Variants in HS3ST4 observed in about 807,000 individuals in gnomAD.
HS3ST4 encodes heparan sulfate-glucosamine 3-sulfotransferase 4.
Under a neutral mutation model 29.2 loss-of-function variants are expected in HS3ST4, and 17 were observed. The observed-to-expected ratio is 0.58, with a 90% confidence interval of 0.40 to 0.87. The LOEUF (loss-of-function observed/expected upper bound fraction) is 0.87. Ranked by LOEUF, HS3ST4 falls within the 40% of genes least tolerant of loss-of-function variation. The pLI is 0.00. For synonymous variants in HS3ST4, 314 were observed against 285.7 expected (o/e 1.10, Z -1.00); for missense variants, 627 against 634.5 (o/e 0.99, Z 0.13).
intron 1 of HS3ST4, among the ~76,000 whole-genome samples, chr16:25,761,533 C>A (rs1188124023): frequency 6.6e-6 from 1 of 152,202 alleles, no homozygotes; most frequent in African/African-American, 2.4e-5. Context: ...TTGGCATCTC[C>A]ATCAGCCAGG....
intron 1 of HS3ST4, among the ~76,000 whole-genome samples, chr16:26,071,772 A>G (rs1236966642): frequency 6.6e-6 from 1 of 151,964 alleles, no homozygotes; most frequent in Non-Finnish European, 1.5e-5. Context: ...GGGAGCGCTC[A>G]CTCTCAGGAT....
chr16:25,828,755 T>C (rs1002526797), intron 1 of HS3ST4, among the ~76,000 whole-genome samples: 6 of 152,202 alleles, frequency 3.9e-5, no homozygotes, highest in African/African-American at 1.4e-4. Context: ...AGTGAGAACA[T>C]GTGCTATTTG....
chr16:26,059,859 C>T (rs947976022), intron 1 of HS3ST4, among the ~76,000 whole-genome samples: 2 of 152,086 alleles, frequency 1.3e-5, no homozygotes, highest in African/African-American at 2.4e-5. Flanking sequence ...CTCGCTGCAA[C>T]CTCCGCCTCC....
intron 1 of HS3ST4, among the ~76,000 whole-genome samples, chr16:25,831,652 C>T (rs1422003467): frequency 6.6e-6 from 1 of 151,812 alleles, no homozygotes; most frequent in Non-Finnish European, 1.5e-5. Context: ...CTATATTCAC[C>T]TCCTATAAAT....
rs9923540 is a variant in HS3ST4, at chr16:25,814,761, A to G, written c.734+121610A>G. ...TCCGCATTAACCACCATGGTACCCC[A>G]TCTTTTCCACAGCTACAAGATCTGC... On this transcript the variant is annotated intron_variant, in intron 1 of 1. Coordinates refer to ENST00000331351, the MANE Select transcript of HS3ST4 (RefSeq NM_006040.3). Among the ~76,000 whole-genome samples, 359 of 152,332 alleles carry G rather than the reference A, an allele frequency of 2.4e-3. 3 individuals are homozygous for G. Among genetic ancestry groups the G allele is most frequent in the African/African-American group, 7.9e-3 (330 of 41,584 alleles).
chr16:25,845,402 T>C lies in HS3ST4; in HGVS notation c.734+152251T>C, dbSNP rs56290961. Among the ~76,000 whole-genome samples, 870 of 152,032 alleles carry C rather than the reference T, an allele frequency of 5.7e-3. 10 individuals carry two copies. The highest frequency in any genetic ancestry group is 5.6e-3 in the Non-Finnish European group (379 of 67,974). On this transcript the variant is annotated intron_variant, in intron 1 of 1. Coordinates refer to ENST00000331351, the MANE Select transcript of HS3ST4 (RefSeq NM_006040.3). ...TGAGCACCTGTAATCCCAGCTATTC[T>C]GGAGGCCGAGGCAGGAGAATCGCTT...
At chr16:25,990,741 C>A (rs935986918) in intron 1 of HS3ST4, among the ~76,000 whole-genome samples, 1 of 152,142 alleles carries the variant, frequency 6.6e-6, no homozygotes, top group Non-Finnish European at 1.5e-5. Context: ...TGTCAGAACT[C>A]AATTCAAACC....
At position 25,749,134 on chromosome 16, in the gene HS3ST4, G is replaced by T. The variant is rs144729610; in HGVS notation, c.734+55983G>T. On this transcript the variant is annotated intron_variant, in intron 1 of 1. Coordinates refer to ENST00000331351, the MANE Select transcript of HS3ST4 (RefSeq NM_006040.3). ...CAGCAATAAACATTTCTTAAGTTTA[G>T]ATATACGCCAGGCATTCTTATAGGC... Among the ~76,000 whole-genome samples the T allele has an allele frequency of 3.0e-4, 45 of 152,286 alleles. 1 individual carries two copies. The East Asian group carries it at 7.7e-3, about 26-fold the overall frequency.
intron 1 of HS3ST4, among the ~76,000 whole-genome samples, chr16:26,117,001 C>G (rs72780070): frequency 1.3e-5 from 2 of 152,338 alleles, no homozygotes; most frequent in Non-Finnish European, 2.9e-5. Flanking sequence ...GTATATTCAA[C>G]TTTAACAGGC....
At chr16:26,047,573 A>G (rs1434472773) in intron 1 of HS3ST4, among the ~76,000 whole-genome samples, 5 of 152,158 alleles carry the variant, frequency 3.3e-5, no homozygotes, top group African/African-American at 1.2e-4. Flanking sequence ...AGAAGATGAG[A>G]GCTCAGAGTG....
intron 1 of HS3ST4, among the ~76,000 whole-genome samples, chr16:25,930,897 A>AAAAAAC (rs1303826665): frequency 5.9e-5 from 9 of 152,122 alleles, no homozygotes; most frequent in South Asian, 2.1e-4. Context: ...TTTCCTTCTG[A>AAAAAAC]AAAAACAAAA....
chr16:25,918,219 T>C (rs1043944868), intron 1 of HS3ST4, among the ~76,000 whole-genome samples: 7 of 152,166 alleles, frequency 4.6e-5, no homozygotes, highest in African/African-American at 1.7e-4. Flanking sequence ...TGCCTCATGG[T>C]TTTATTTGGT....
At chr16:25,906,453 C>G (rs1968181732) in intron 1 of HS3ST4, among the ~76,000 whole-genome samples, 1 of 152,062 alleles carries the variant, frequency 6.6e-6, no homozygotes, top group Admixed American at 6.6e-5. Flanking sequence ...TATTACATGC[C>G]TGGCACTAAT....
intron 1 of HS3ST4, among the ~76,000 whole-genome samples, chr16:26,079,488 C>A (rs1029499117): frequency 1.3e-5 from 2 of 152,194 alleles, no homozygotes; most frequent in Non-Finnish European, 2.9e-5. Flanking sequence ...ATAACAACAG[C>A]AAACATTGAT....
intron 1 of HS3ST4, among the ~76,000 whole-genome samples, chr16:25,715,321 T>A (rs1596551160): frequency 1.1e-5 from 1 of 90,050 alleles, no homozygotes; most frequent in Non-Finnish European, 2.0e-5. Flanking sequence ...AGAGCGAGAC[T>A]CCGTCTCAAA....
At chr16:25,955,043 CTG>C (rs1425399832) in intron 1 of HS3ST4, among the ~76,000 whole-genome samples, 1 of 152,158 alleles carries the variant, frequency 6.6e-6, no homozygotes, top group Non-Finnish European at 1.5e-5. Flanking sequence ...TCAATGCTAA[CTG>C]AGAGAATGGG....
rs1187602701 is a variant in HS3ST4, at chr16:25,886,792, CAA to C, written c.734+193642_734+193643del. ...GAAAGGAAGGCGGAGAGGGGTGAGA[CAA>C]GAGGTGGGAGGTGAGGCAGGTGGGA... On this transcript the variant is annotated intron_variant, in intron 1 of 1. Coordinates refer to ENST00000331351, the MANE Select transcript of HS3ST4 (RefSeq NM_006040.3). The C allele has an allele frequency of 1.1e-4, 16 of 152,310 alleles. No individual in the cohort carries two copies. In the East Asian group the frequency reaches 2.5e-3, roughly 24 times the overall value. 9.4% of individuals were successfully genotyped at this position (152,310 alleles called of 1,614,324 possible). A position where few individuals can be genotyped will look rare whatever the true frequency, so the allele number is the denominator to read the frequency against.
intron 1 of HS3ST4, among the ~76,000 whole-genome samples, chr16:25,778,990 C>T (rs1966850295): frequency 6.6e-6 from 1 of 152,156 alleles, no homozygotes; most frequent in Admixed American, 6.5e-5. Flanking sequence ...TCTTAAATCT[C>T]TCTGTGTCTC....
At chr16:26,103,092 T>A (rs183091706) in intron 1 of HS3ST4, among the ~76,000 whole-genome samples, 1 of 152,226 alleles carries the variant, frequency 6.6e-6, no homozygotes, top group African/African-American at 2.4e-5. Context: ...CATATCTGAT[T>A]GCAAGGGAGC....
Sources: gnomAD v4.1 joint callset for allele counts (sites outside exome capture counted in the v4.1 genomes callset) on GRCh38, gnomAD v4.1.1 for gene constraint, MANE v1.5 for transcripts, NCBI Gene and HGNC (gene_info 2026-07-23, HGNC 2026-07-21) for gene names.